PEX14: variants seen among roughly 807,000 people sequenced by gnomAD.
The protein encoded by PEX14 is peroxisomal membrane protein PEX14.
Under a neutral mutation model 49.5 loss-of-function variants are expected in PEX14, and 15 were observed. That is an observed-to-expected ratio of 0.30 (90% CI 0.20 to 0.47). The LOEUF (loss-of-function observed/expected upper bound fraction) is 0.47, where lower values mean the gene tolerates loss of function less well. Among genes scored for constraint, PEX14 ranks in the 20% least tolerant of loss-of-function variants. The pLI is 1.00. For missense variants in PEX14, 398 were observed against 494.8 expected, an observed-to-expected ratio of 0.80 and a Z score of 1.86; for synonymous variants, 210 against 212.7, an observed-to-expected ratio of 0.99 and a Z score of 0.11.
chr1:10,496,235 G>A (rs1189014000), intron 2 of PEX14, among the ~76,000 whole-genome samples: 1 of 152,210 alleles, frequency 6.6e-6, no homozygotes, highest in Non-Finnish European at 1.5e-5. Flanking sequence ...CTGTAGAAAG[G>A]CCGAGGTGAT....
In PEX14 at chr1:10,623,754, A is replaced by T. The variant is rs59814347; in HGVS notation, c.488-586A>T. 6.6e-6 allele frequency among the ~76,000 whole-genome samples: 1 copy of T among 152,224 alleles called. No individual in the cohort carries two copies. Among genetic ancestry groups the T allele is most frequent in the Non-Finnish European group, 1.5e-5 (1 of 68,026 alleles). On this transcript the variant is annotated intron_variant, in intron 6 of 8. Transcript: ENST00000356607. This position sits in a 1 kb window ranked among gnomAD's most constrained non-coding sequence, Gnocchi z 4.4. ...CCTCTGGAGCACGTTTGTGAAGCTC[A>T]CAGAAACCCTCTGACACGTCCATCC...
At chr1:10,563,416 A>G (rs1639709878) in intron 3 of PEX14, among the ~76,000 whole-genome samples, 3 of 149,136 alleles carry the variant, frequency 2.0e-5, no homozygotes, top group African/African-American at 7.4e-5. Context: ...CCTGACCAAC[A>G]TGAAGAAACC....
At chr1:10,624,518 T>C in intron 7 of PEX14, 81 bp downstream of exon 7, 1 of 982,624 alleles carries the variant, frequency 1.0e-6, no homozygotes, top group South Asian at 1.3e-5. Flanking sequence ...GGGCCGGGCT[T>C]GCCACCTTCG....
At chr1:10,541,834 C>A (rs1464649977) in intron 3 of PEX14, among the ~76,000 whole-genome samples, 1 of 152,174 alleles carries the variant, frequency 6.6e-6, no homozygotes, top group African/African-American at 2.4e-5. Flanking sequence ...CCCTGGCTTC[C>A]CCATTCAGAG....
In PEX14 at chr1:10,629,690, G is replaced by C; in HGVS notation, c.837G>C (p.Glu279Asp). 2 of 1,613,224 alleles carry C rather than the reference G, an allele frequency of 1.2e-6. No homozygotes were observed. The highest frequency in any genetic ancestry group is 2.7e-5 in the African/African-American group (2 of 74,970). ...NESTSSSPGK[E>D]GHSPEGSTVT... ...CCACGTCGTCCTCGCCTGGGAAGGA[G>C]GGCCACAGCCCCGAGGGCTCCACGG... The change falls in exon 9 of 9, where the codon GAG (glutamate) becomes GAC (aspartate). Residue 279 changes from glutamate to aspartate, a missense_variant. By Grantham distance (45) the Glu-to-Asp change is conservative. Coordinates refer to ENST00000356607, the MANE Select transcript of PEX14 (RefSeq NM_004565.3). This position sits in a 1 kb window ranked among gnomAD's most constrained non-coding sequence, Gnocchi z 8.5.
At chr1:10,573,015 T>C in intron 3 of PEX14, among the ~76,000 whole-genome samples, 1 of 152,212 alleles carries the variant, frequency 6.6e-6, no homozygotes, top group East Asian at 1.9e-4. Context: ...TAGGCAATTG[T>C]AACACAATGG....
chr1:10,571,327 TA>T (rs147342403), intron 3 of PEX14, among the ~76,000 whole-genome samples: 17,228 of 117,558 alleles, frequency 0.15, 1,113 homozygotes, highest in African/African-American at 0.19. Flanking sequence ...TTTTCTGTAT[TA>T]AAAAAAAATG....
intron 4 of PEX14, among the ~76,000 whole-genome samples, chr1:10,606,942 A>C (rs1317556026): frequency 6.6e-6 from 1 of 152,250 alleles, no homozygotes; most frequent in African/African-American, 2.4e-5. Context: ...TGATAAGTGT[A>C]CATTTCCATA....
intron 2 of PEX14, among the ~76,000 whole-genome samples, chr1:10,502,149 G>A (rs1641692812): frequency 6.6e-6 from 1 of 152,148 alleles, no homozygotes; most frequent in Non-Finnish European, 1.5e-5. Flanking sequence ...GAGGAAAAAA[G>A]TGTTGGCTGT....
At chr1:10,602,145 C>T (rs191052455) in intron 4 of PEX14, among the ~76,000 whole-genome samples, 5 of 152,220 alleles carry the variant, frequency 3.3e-5, no homozygotes, top group African/African-American at 4.8e-5. Flanking sequence ...ATGTCCAGAT[C>T]GCTCTGAGAA....
chr1:10,598,205 C>G (rs1640881845), intron 3 of PEX14, among the ~76,000 whole-genome samples: 1 of 152,198 alleles, frequency 6.6e-6, no homozygotes, highest in African/African-American at 2.4e-5. Flanking sequence ...TGCAGACTAA[C>G]AGTGACCTCC....
chr1:10,627,042 G>A (rs1213111700), intron 7 of PEX14, among the ~76,000 whole-genome samples: 3 of 152,198 alleles, frequency 2.0e-5, no homozygotes, highest in African/African-American at 7.2e-5. Context: ...CTAAAAACAC[G>A]TAATGATTCC....
At chr1:10,571,284 G>T (rs1260332657) in intron 3 of PEX14, among the ~76,000 whole-genome samples, 1 of 147,818 alleles carries the variant, frequency 6.8e-6, no homozygotes, top group African/African-American at 2.5e-5. Flanking sequence ...TGGTGGAAAT[G>T]TGTGTTACTT....
chr1:10,533,300 A>G (rs924726882), intron 2 of PEX14, among the ~76,000 whole-genome samples: 2 of 152,166 alleles, frequency 1.3e-5, no homozygotes, highest in Admixed American at 6.5e-5. Flanking sequence ...CAAGAGGAAC[A>G]TAAACAAGCC....
At chr1:10,572,550 A>G (rs1640006779) in intron 3 of PEX14, among the ~76,000 whole-genome samples, 1 of 151,996 alleles carries the variant, frequency 6.6e-6, no homozygotes, top group African/African-American at 2.4e-5. Flanking sequence ...TTTTATTTTT[A>G]TTTTGAGACG....
In PEX14 at chr1:10,630,304, C is replaced by G. The variant is rs1464594045; in HGVS notation, c.*317C>G. 1 of 459,914 alleles carries G rather than the reference C, an allele frequency of 2.2e-6. No homozygotes were observed. Among genetic ancestry groups the G allele is most frequent in the Non-Finnish European group, 3.9e-6 (1 of 253,556 alleles). The allele number at this position is 459,914 out of a possible 1,614,324, so 28.5% of individuals were successfully genotyped here. Reference sequence around the variant, plus strand: ...TCCCCAGCCCCCTCTCCCGGACAGACGCCTTGCCCAGGGTGTGTTTGCTGA... The same window carrying G: ...TCCCCAGCCCCCTCTCCCGGACAGAGGCCTTGCCCAGGGTGTGTTTGCTGA... On this transcript the variant is annotated 3_prime_UTR_variant, in exon 9 of 9. Transcript: ENST00000356607. The surrounding 1 kb of genome is among the most constrained non-coding windows in gnomAD (Gnocchi z 4.1).
At chr1:10,492,396 G>C (rs1325421010) in intron 1 of PEX14, among the ~76,000 whole-genome samples, 2 of 152,108 alleles carry the variant, frequency 1.3e-5, no homozygotes, top group Admixed American at 1.3e-4. Context: ...ATTATTTATG[G>C]GGTAGCATTA....
In PEX14 at chr1:10,480,291, A is replaced by G. The variant is rs1209380573; in HGVS notation, c.36+5289A>G. 2.0e-5 allele frequency among the ~76,000 whole-genome samples: 3 copies of G among 151,142 alleles called. 1 individual carries two copies. Among genetic ancestry groups the G allele is most frequent in the Non-Finnish European group, 4.4e-5 (3 of 67,838 alleles). ...AGTGGCTCAATCTCGGCTCACTGCA[A>G]CCTCAGCCTCCCAGGTTCAAGCGGT... On this transcript the variant is annotated intron_variant, in intron 1 of 8. Coordinates refer to ENST00000356607, the MANE Select transcript of PEX14 (RefSeq NM_004565.3).
At chr1:10,627,129 G>A in intron 7 of PEX14, 143 bp from the exon 8 acceptor site, 1 of 729,320 alleles carries the variant, frequency 1.4e-6, no homozygotes, top group Non-Finnish European at 2.5e-6. Flanking sequence ...CAGGCAGTGG[G>A]CAGTGGCAGA....
Sources: allele counts gnomAD v4.1 joint callset (sites outside exome capture counted in the v4.1 genomes callset), GRCh38; gene constraint gnomAD v4.1.1; non-coding constraint Gnocchi (gnomAD v3.1); transcripts MANE v1.5; gene names NCBI Gene and HGNC (gene_info 2026-07-23, HGNC 2026-07-21).